SLC1A3: variants seen among roughly 807,000 people sequenced by gnomAD.
The protein encoded by SLC1A3 is solute carrier family 1 member 3, also known as excitatory amino acid transporter 1.
Under a neutral mutation model 48.1 loss-of-function variants are expected in SLC1A3, and 21 were observed. That is an observed-to-expected ratio of 0.44 (90% CI 0.31 to 0.63). The LOEUF (loss-of-function observed/expected upper bound fraction) is 0.63. Ranked by LOEUF, SLC1A3 falls within the 20% of genes least tolerant of loss-of-function variation. SLC1A3 has a pLI of 0.08. For synonymous variants in SLC1A3, 239 were observed against 251.4 expected (o/e 0.95, Z 0.47); for missense variants, 546 against 689.0 (o/e 0.79, Z 2.32).
chr5:36,658,606 G>GT (rs1392836721), intron 3 of SLC1A3, among the ~76,000 whole-genome samples: 10 of 152,052 alleles, frequency 6.6e-5, no homozygotes, highest in South Asian at 4.2e-4. Flanking sequence ...TTTCTAAGCA[G>GT]TTTTTTTTGT....
chr5:36,617,926 C>A (rs1739512656), intron 2 of SLC1A3, among the ~76,000 whole-genome samples: 1 of 152,168 alleles, frequency 6.6e-6, no homozygotes, highest in African/African-American at 2.4e-5. Flanking sequence ...TATACTCATT[C>A]ATAATGTTGA....
At chr5:36,675,274 G>A (rs1268141548) in intron 5 of SLC1A3, among the ~76,000 whole-genome samples, 1 of 151,634 alleles carries the variant, frequency 6.6e-6, no homozygotes, top group Non-Finnish European at 1.5e-5. Context: ...TAAGCCTGAG[G>A]CCAAAATCTA....
upstream of SLC1A3, among the ~76,000 whole-genome samples, chr5:36,602,408 A>C (rs1738818991): frequency 1.3e-5 from 2 of 152,200 alleles, no homozygotes; most frequent in African/African-American, 4.8e-5. Flanking sequence ...TACTTAAAAA[A>C]CTATAAAGCC....
At chr5:36,670,989 T>C (rs1287355394) in intron 3 of SLC1A3, 40 bp from the exon 4 acceptor site, 12 of 1,569,132 alleles carry the variant, frequency 7.6e-6, no homozygotes, top group Non-Finnish European at 9.7e-6. Context: ...GAGAATTCCC[T>C]GGACTGACTT....
At chr5:36,684,091 A>G (rs1742548787) in intron 9 of SLC1A3, 93 bp downstream of exon 9, 1 of 1,493,622 alleles carries the variant, frequency 6.7e-7, no homozygotes. Context: ...CTACAGAAAG[A>G]ACTCTGAGGA....
intron 3 of SLC1A3, among the ~76,000 whole-genome samples, chr5:36,644,895 G>T (rs1265266625): frequency 6.6e-6 from 1 of 152,088 alleles, no homozygotes; most frequent in Non-Finnish European, 1.5e-5. Context: ...GGTGGGCCTG[G>T]GGGGAGACAA....
chr5:36,611,678 A>G (rs1336163575), intron 2 of SLC1A3, among the ~76,000 whole-genome samples: 1 of 152,144 alleles, frequency 6.6e-6, no homozygotes, highest in Non-Finnish European at 1.5e-5. Context: ...GCATTAGATA[A>G]TGGTCTGCCA....
chr5:36,597,959 A>T (rs1738764095), intron 1 of SLC1A3, among the ~76,000 whole-genome samples: 1 of 152,096 alleles, frequency 6.6e-6, no homozygotes, highest in South Asian at 2.1e-4. Context: ...TTCATTGCTC[A>T]TGTTTTCCCT....
At chr5:36,598,285 G>T (rs1738767071) in intron 1 of SLC1A3, among the ~76,000 whole-genome samples, 1 of 152,222 alleles carries the variant, frequency 6.6e-6, no homozygotes, top group Non-Finnish European at 1.5e-5. Flanking sequence ...TGGGATTGTT[G>T]TGACAAGTAA....
At chr5:36,632,214 T>A (rs1349491988) in intron 3 of SLC1A3, among the ~76,000 whole-genome samples, 1 of 152,200 alleles carries the variant, frequency 6.6e-6, no homozygotes, top group Non-Finnish European at 1.5e-5. Context: ...TCTTCCTGTT[T>A]TTCAAGAGTA....
intron 8 of SLC1A3, among the ~76,000 whole-genome samples, chr5:36,681,979 A>G (rs1007743539): frequency 1.3e-4 from 20 of 152,234 alleles, no homozygotes; most frequent in Non-Finnish European, 5.9e-5. Flanking sequence ...AAAATTGCAA[A>G]CGTTTTGCCA....
chr5:36,615,508 C>A (rs1484239426), intron 2 of SLC1A3, among the ~76,000 whole-genome samples: 2 of 152,134 alleles, frequency 1.3e-5, no homozygotes, highest in Non-Finnish European at 2.9e-5. Flanking sequence ...TCCCTTTGAC[C>A]TCTTGAGGGC....
Position 36,671,084 on chromosome 5 carries a change from C to G in SLC1A3, c.375C>G (p.Val125=). 6.2e-7 allele frequency: 1 copy of G among 1,614,006 alleles called. No individual in the cohort carries two copies. The highest frequency in any genetic ancestry group is 8.5e-7 in the Non-Finnish European group (1 of 1,179,890). The change falls in exon 4 of 10, where the codon GTC becomes GTG. Residue 125 remains valine, a synonymous_variant. Transcript: ENST00000265113. The part of the protein sequence containing the change: ...ASGKMGMRAV[V]YYMTTTIIAV... ...GGAAGATGGGAATGCGAGCTGTAGTCTATTATATGACTACCACCATCATTG... is the reference window on the plus strand; with the variant it reads ...GGAAGATGGGAATGCGAGCTGTAGTGTATTATATGACTACCACCATCATTG...
At chr5:36,614,629 G>T (rs1739357010) in intron 2 of SLC1A3, among the ~76,000 whole-genome samples, 1 of 152,150 alleles carries the variant, frequency 6.6e-6, no homozygotes, top group African/African-American at 2.4e-5. Flanking sequence ...GGAAAACAGG[G>T]AGGTGCTAAG....
At chr5:36,654,210 C>A (rs192167889) in intron 3 of SLC1A3, among the ~76,000 whole-genome samples, 1 of 152,196 alleles carries the variant, frequency 6.6e-6, no homozygotes, top group Non-Finnish European at 1.5e-5. Flanking sequence ...GTTCTTACAC[C>A]CCTCCAGGGG....
intron 3 of SLC1A3, among the ~76,000 whole-genome samples, chr5:36,640,689 C>T (rs926473230): frequency 2.6e-5 from 4 of 152,044 alleles, no homozygotes; most frequent in African/African-American, 7.3e-5. Context: ...GTAAGATGAT[C>T]GTAAGCTTCC....
chr5:36,608,363 T>C lies in SLC1A3; in HGVS notation c.-61T>C. 7.8e-6 allele frequency: 12 copies of C among 1,531,334 alleles called. No homozygotes were observed. The highest frequency in any genetic ancestry group is 1.1e-5 in the Non-Finnish European group (12 of 1,108,004). 94.9% of individuals were successfully genotyped at this position (1,531,334 alleles called of 1,614,324 possible). ...CTAATACCAAAGAGGAGGTTTGGCT[T>C]TCTGTGGGTGATTCCCAGACACTGA... On this transcript the variant is annotated 5_prime_UTR_variant, in exon 2 of 10. Transcript: ENST00000265113.
At chr5:36,627,754 G>T (rs926715451) in intron 2 of SLC1A3, among the ~76,000 whole-genome samples, 1 of 152,192 alleles carries the variant, frequency 6.6e-6, no homozygotes, top group Non-Finnish European at 1.5e-5. Context: ...ACACAAAGTG[G>T]TTGCCTTTGC....
intron 8 of SLC1A3, among the ~76,000 whole-genome samples, chr5:36,680,904 A>G (rs1296816738): frequency 1.5e-4 from 21 of 142,802 alleles, no homozygotes; most frequent in Admixed American, 1.4e-3. Flanking sequence ...GGACACAGCA[A>G]GACTCCATCT....
Sources: allele counts gnomAD v4.1 joint callset (sites outside exome capture counted in the v4.1 genomes callset), GRCh38; gene constraint gnomAD v4.1.1; transcripts MANE v1.5; gene names NCBI Gene and HGNC (gene_info 2026-07-23, HGNC 2026-07-21).